Variants in BACC1 observed in about 807,000 individuals in gnomAD.
BACC1 encodes the protein BPTF associated chromatin complex component 1.
At chr17:7,017,195 A>C in the BACC1 span, 1 of 1,610,648 alleles carries the variant, frequency 6.2e-7, no homozygotes. Flanking sequence ...GGGAGGTGGG[A>C]GTGGCCTTGG....
the BACC1 span, chr17:7,016,655 G>A: frequency 7.4e-6 from 12 of 1,612,212 alleles, no homozygotes; most frequent in South Asian, 3.3e-5. Flanking sequence ...CCCTGAGGCC[G>A]GGGGTCCCCC....
chr17:7,014,912 G>T, the BACC1 span: 4 of 1,507,656 alleles, frequency 2.7e-6, no homozygotes, highest in East Asian at 2.9e-5. The surrounding 1 kb of genome is among the most constrained non-coding windows in gnomAD (Gnocchi z 4.5). Context: ...GCTCCCTGGC[G>T]GCCACGGGAG....
At chr17:7,015,384 G>A in the BACC1 span, 4 of 1,370,752 alleles carry the variant, frequency 2.9e-6, no homozygotes, top group South Asian at 7.2e-5. Flanking sequence ...TGCTGCGAAC[G>A]GGTCGACCAC....
the BACC1 span, chr17:7,014,949 T>C: frequency 2.7e-5 from 40 of 1,469,590 alleles, no homozygotes; most frequent in South Asian, 3.8e-4. This position sits in a 1 kb window ranked among gnomAD's most constrained non-coding sequence, Gnocchi z 4.5. Context: ...GGCTCGCGGC[T>C]CTTCCGCCCC....
the BACC1 span, chr17:7,015,650 C>A: frequency 7.6e-7 from 1 of 1,321,950 alleles, no homozygotes. Flanking sequence ...CCTCTTTATG[C>A]ATCCGTGGAA....
the BACC1 span, chr17:7,014,955 G>A: frequency 8.2e-6 from 12 of 1,459,864 alleles, no homozygotes; most frequent in African/African-American, 1.8e-4. The surrounding 1 kb of genome is among the most constrained non-coding windows in gnomAD (Gnocchi z 4.5). Context: ...CGGCTCTTCC[G>A]CCCCGGGCGG....
At chr17:7,015,178 C>A in the BACC1 span, 2 of 1,554,486 alleles carry the variant, frequency 1.3e-6, no homozygotes, top group South Asian at 1.2e-5. Flanking sequence ...CGGACTGGGA[C>A]GTGGACGCTG....
the BACC1 span, chr17:7,014,813 G>T: frequency 6.6e-7 from 1 of 1,526,048 alleles, no homozygotes; most frequent in South Asian, 1.2e-5. The surrounding 1 kb of genome is among the most constrained non-coding windows in gnomAD (Gnocchi z 4.5). Context: ...CCCGGCTCGC[G>T]TGTAGCGGCG....
chr17:7,016,302 A>T, the BACC1 span: 1 of 609,716 alleles, frequency 1.6e-6, no homozygotes. Context: ...TACTCAGTTC[A>T]GGGACTCCAC....
the BACC1 span, chr17:7,016,312 C>T: frequency 1.6e-6 from 1 of 631,014 alleles, no homozygotes; most frequent in Non-Finnish European, 2.7e-6. Context: ...AGGGACTCCA[C>T]TCTCCACACT....
chr17:7,016,843 G>C, the BACC1 span: 2 of 1,544,966 alleles, frequency 1.3e-6, no homozygotes, highest in East Asian at 4.5e-5. Context: ...ACAAAGCTTT[G>C]GGAAGCTTGG....
At chr17:7,016,520 C>T in the BACC1 span, 9 of 1,613,678 alleles carry the variant, frequency 5.6e-6, no homozygotes, top group South Asian at 2.2e-5. Context: ...CACTGTGAAA[C>T]GCAAGGTATA....
At chr17:7,015,646 T>C in the BACC1 span, 2 of 1,320,030 alleles carry the variant, frequency 1.5e-6, no homozygotes, top group Non-Finnish European at 1.0e-6. Flanking sequence ...AGGACCTCTT[T>C]ATGCATCCGT....
chr17:7,015,588 C>A, the BACC1 span: 5 of 1,398,650 alleles, frequency 3.6e-6, no homozygotes, highest in Non-Finnish European at 4.7e-6. Context: ...TGATTGGGGT[C>A]CTCCCGGTTC....
the BACC1 span, chr17:7,015,229 C>T: frequency 6.8e-7 from 1 of 1,478,376 alleles, no homozygotes; most frequent in Non-Finnish European, 8.9e-7. Context: ...CGGACCCTCT[C>T]TAGCACAGGG....
the BACC1 span, chr17:7,014,800 G>C: frequency 6.6e-7 from 1 of 1,521,536 alleles, no homozygotes. The surrounding 1 kb of genome is among the most constrained non-coding windows in gnomAD (Gnocchi z 4.5). Flanking sequence ...TGCTCTCCGT[G>C]GTCCCGGCTC....
At chr17:7,016,657 G>C in the BACC1 span, 8 of 1,612,412 alleles carry the variant, frequency 5.0e-6, no homozygotes, top group Non-Finnish European at 6.8e-6. Context: ...CTGAGGCCGG[G>C]GGTCCCCCCA....
At chr17:7,015,733 C>T in the BACC1 span, 1 of 1,564,610 alleles carries the variant, frequency 6.4e-7, no homozygotes, top group African/African-American at 1.3e-5. Flanking sequence ...CTCCACACCC[C>T]CCCTCCCATT....
chr17:7,017,467 G>A, the BACC1 span: 1 of 762,802 alleles, frequency 1.3e-6, no homozygotes, highest in Non-Finnish European at 2.4e-6. Flanking sequence ...CAACCCCTTT[G>A]ACCTTCATCT....
Sources: gnomAD v4.1 joint callset for allele counts on GRCh38, gnomAD v4.1.1 for gene constraint, Gnocchi (gnomAD v3.1) non-coding constraint, MANE v1.5 for transcripts, NCBI Gene and HGNC (gene_info 2026-07-23, HGNC 2026-07-21) for gene names.